PAAF1: variants seen among roughly 807,000 people sequenced by gnomAD.
PAAF1 encodes the protein proteasomal ATPase-associated factor 1.
PAAF1 carries 46 observed loss-of-function variants against 52.8 expected under a neutral mutation model. That is an observed-to-expected ratio of 0.87 (90% CI 0.69 to 1.11). The LOEUF is 1.11. PAAF1 is among the 50% of genes most tolerant of loss of function. The pLI is 0.00. For synonymous variants in PAAF1, 178 were observed against 172.8 expected, an observed-to-expected ratio of 1.03 and a Z score of -0.24; for missense variants, 424 against 477.4, an observed-to-expected ratio of 0.89 and a Z score of 1.04.
At chr11:73,915,276 G>C (rs1030624926) in intron 8 of PAAF1, among the ~76,000 whole-genome samples, 4 of 152,160 alleles carry the variant, frequency 2.6e-5, no homozygotes. Context: ...TATGAGTCCT[G>C]CTACCTCTAA....
rs1950417822 is a variant in PAAF1 at position 73,928,911 on chromosome 11, G to A, written c.*1549G>A. On this transcript the variant is annotated 3_prime_UTR_variant, in exon 12 of 12. Coordinates refer to ENST00000310571, the MANE Select transcript of PAAF1 (RefSeq NM_025155.3). Reference sequence around the variant, plus strand: ...TTTTTTTGTATTTTTATTAGAGATGGGGTTTCACCATGTTGGCCAGGCTGG... The same window carrying A: ...TTTTTTTGTATTTTTATTAGAGATGAGGTTTCACCATGTTGGCCAGGCTGG... The A allele has an allele frequency of 6.6e-6, 1 of 152,080 alleles. No individual in the cohort carries two copies. The highest frequency in any genetic ancestry group is 1.5e-5 in the Non-Finnish European group (1 of 68,052). 9.4% of individuals were successfully genotyped at this position (152,080 alleles called of 1,614,324 possible). A position where few individuals can be genotyped will look rare whatever the true frequency, so the allele number is the denominator to read the frequency against.
chr11:73,922,575 T>C (rs1950249297), intron 10 of PAAF1, among the ~76,000 whole-genome samples: 1 of 152,080 alleles, frequency 6.6e-6, no homozygotes, highest in South Asian at 2.1e-4. Flanking sequence ...CCCAGCACTT[T>C]CGGAGGCCGA....
chr11:73,892,784 G>A (rs1424669538), intron 4 of PAAF1, among the ~76,000 whole-genome samples: 4 of 151,968 alleles, frequency 2.6e-5, no homozygotes, highest in African/African-American at 9.7e-5. Context: ...TCAGCCTCCC[G>A]AATAGCTGGG....
At chr11:73,908,389 A>G (rs202088070) in intron 6 of PAAF1, among the ~76,000 whole-genome samples, 33 of 96,628 alleles carry the variant, frequency 3.4e-4, no homozygotes, top group African/African-American at 7.4e-4. Flanking sequence ...ATATGTGTGT[A>G]TATATATATG....
intron 4 of PAAF1, among the ~76,000 whole-genome samples, chr11:73,893,129 T>C (rs972051864): frequency 3.9e-5 from 6 of 152,336 alleles, no homozygotes; most frequent in African/African-American, 1.4e-4. Flanking sequence ...TTTGTATTTT[T>C]ATGAATACAT....
chr11:73,918,615 C>T (rs1215505437), intron 9 of PAAF1, among the ~76,000 whole-genome samples: 1 of 151,388 alleles, frequency 6.6e-6, no homozygotes, highest in African/African-American at 2.4e-5. Context: ...TTTTAGAGTC[C>T]TGACAATTTT....
At chr11:73,895,494 GAA>G (rs1179231666) in intron 4 of PAAF1, among the ~76,000 whole-genome samples, 1 of 152,194 alleles carries the variant, frequency 6.6e-6, no homozygotes, top group African/African-American at 2.4e-5. Flanking sequence ...AAATGAAGAA[GAA>G]AAGTCTTAGA....
upstream of PAAF1, chr11:73,876,834 T>C: frequency 1.8e-6 from 1 of 565,696 alleles, no homozygotes; most frequent in African/African-American, 1.9e-5. Flanking sequence ...GGGGATCCTC[T>C]GTACATCCTT....
At chr11:73,876,848 G>A (rs1948755570), upstream of PAAF1, 1 of 635,958 alleles carries the variant, frequency 1.6e-6, no homozygotes, top group Non-Finnish European at 2.4e-6. Context: ...CATCCTTTCA[G>A]GAACCAGCCC....
chr11:73,906,500 C>T (rs775878348), intron 6 of PAAF1, among the ~76,000 whole-genome samples: 2 of 152,154 alleles, frequency 1.3e-5, no homozygotes, highest in Non-Finnish European at 2.9e-5. Flanking sequence ...ATCTGCCCGC[C>T]TCAGACTCCC....
intron 6 of PAAF1, among the ~76,000 whole-genome samples, chr11:73,902,541 T>G (rs1335683556): frequency 6.6e-6 from 1 of 152,184 alleles, no homozygotes; most frequent in Non-Finnish European, 1.5e-5. Context: ...AAGATGCATA[T>G]TCAACATCAG....
In PAAF1 at chr11:73,930,388, A is replaced by G. The variant is rs2135248747; in HGVS notation, c.*3026A>G. 6.6e-6 allele frequency: 1 copy of G among 151,688 alleles called. No homozygotes were observed. Among genetic ancestry groups the G allele is most frequent in the South Asian group, 2.1e-4 (1 of 4,788 alleles). The allele number at this position is 151,688 out of a possible 1,614,324, so 9.4% of individuals were successfully genotyped here. A position where few individuals can be genotyped will look rare whatever the true frequency, so the allele number is the denominator to read the frequency against. On this transcript the variant is annotated 3_prime_UTR_variant, in exon 12 of 12. Transcript: ENST00000310571. ...CTATCTCAAGAAAAAAAAAAAGAAA[A>G]AAAGAAAACAGGAAGAAATGTTGTC...
At chr11:73,919,571 C>T (rs1013202464) in intron 10 of PAAF1, among the ~76,000 whole-genome samples, 1 of 152,194 alleles carries the variant, frequency 6.6e-6, no homozygotes, top group African/African-American at 2.4e-5. Flanking sequence ...CTAGCATTTC[C>T]AGAGGGCCTG....
intron 11 of PAAF1, among the ~76,000 whole-genome samples, chr11:73,925,512 C>T (rs1441773549): frequency 3.3e-5 from 5 of 150,174 alleles, no homozygotes; most frequent in Non-Finnish European, 7.4e-5. Flanking sequence ...GCTCTAGAAA[C>T]TTAAAAACTT....
intron 2 of PAAF1, chr11:73,880,397 G>A (rs1041659447): frequency 1.3e-5 from 2 of 149,384 alleles, no homozygotes; most frequent in African/African-American, 4.9e-5. Flanking sequence ...GCTTAATTAT[G>A]TTCAAAAATC....
At chr11:73,907,070 G>A (rs1401662002) in intron 6 of PAAF1, among the ~76,000 whole-genome samples, 3 of 149,784 alleles carry the variant, frequency 2.0e-5, no homozygotes, top group African/African-American at 7.4e-5. Flanking sequence ...TTCTGTTTGT[G>A]TATTTTTTCT....
At chr11:73,915,292 T>A (rs956591182) in intron 8 of PAAF1, among the ~76,000 whole-genome samples, 1 of 152,172 alleles carries the variant, frequency 6.6e-6, no homozygotes, top group Non-Finnish European at 1.5e-5. Flanking sequence ...TCTAAGGTAA[T>A]GTGAAAAAAT....
intron 4 of PAAF1, among the ~76,000 whole-genome samples, chr11:73,893,738 CAAAAAAAAAAAAAAA>C (rs564348245): frequency 1.4e-5 from 1 of 71,968 alleles, no homozygotes; most frequent in African/African-American, 5.6e-5. Context: ...ACTCTGTCTC[CAAAAAAAAAAAAAAA>C]AAAAAAAAGA....
intron 5 of PAAF1, among the ~76,000 whole-genome samples, chr11:73,899,478 C>T (rs1949533513): frequency 1.5e-5 from 2 of 130,532 alleles, no homozygotes; most frequent in African/African-American, 2.9e-5. Flanking sequence ...GTGGTGTGAT[C>T]TCAGCTCACT....
Sources: allele counts gnomAD v4.1 joint callset (sites outside exome capture counted in the v4.1 genomes callset), GRCh38; gene constraint gnomAD v4.1.1; transcripts MANE v1.5; gene names NCBI Gene and HGNC (gene_info 2026-07-23, HGNC 2026-07-21).